Variants in CTNNA2 observed in about 807,000 individuals in gnomAD.
CTNNA2 encodes the protein catenin alpha-2.
A neutral mutation model predicts 101.0 loss-of-function variants in CTNNA2; 42 were observed. That is an observed-to-expected ratio of 0.42 (90% confidence interval 0.32 to 0.54). The LOEUF (loss-of-function observed/expected upper bound fraction) is 0.54. Among genes scored for constraint, CTNNA2 ranks in the 20% least tolerant of loss-of-function variants. The pLI, the probability that CTNNA2 is intolerant of heterozygous loss-of-function variation, is 0.14. For missense variants in CTNNA2, 871 were observed against 1,223.1 expected (o/e 0.71, Z 4.29); for synonymous variants, 450 against 456.4 (o/e 0.99, Z 0.18).
intron 7 of CTNNA2, among the ~76,000 whole-genome samples, chr2:80,036,614 A>T (rs1010721655): frequency 1.3e-5 from 2 of 152,096 alleles, no homozygotes; most frequent in African/African-American, 4.8e-5. Context: ...TAGTGAAAAA[A>T]ATAGGAACAA....
chr2:80,282,848 A>G (rs1674488443), intron 7 of CTNNA2, among the ~76,000 whole-genome samples: 2 of 152,114 alleles, frequency 1.3e-5, no homozygotes, highest in South Asian at 4.1e-4. Flanking sequence ...CCTGATTTAA[A>G]GGGCACTCCA....
rs114786625 is a variant in CTNNA2 at position 79,267,893 on chromosome 2, G to A, written c.-405-44816G>A. Among the ~76,000 whole-genome samples the A allele has an allele frequency of 3.3e-3, 506 of 152,264 alleles. 1 individual carries two copies. The highest frequency in any genetic ancestry group is 0.012 in the African/African-American group (485 of 41,560). ...GACACAAAGATGCCCTATAGTATAG[G>A]AGATAAAGATGCAAGAACTTCCTTG... is the stretch of plus-strand genomic sequence containing the variant. On this transcript the variant is annotated intron_variant, in intron 2 of 21. Transcript: ENST00000466387.
rs147164329 is a variant in CTNNA2, at chr2:79,618,364, T to G, written c.-5-33188T>G. On this transcript the variant is annotated intron_variant, in intron 1 of 18. Coordinates refer to ENST00000402739, the MANE Select transcript of CTNNA2 (RefSeq NM_001282597.3). ...TCTTTCTCTTACAAGCACTTCTCTT[T>G]CTATGATAGTTATTGGATTGGCTCC... Among the ~76,000 whole-genome samples the G allele has an allele frequency of 1.6e-4, 24 of 152,322 alleles. No homozygotes were observed. In the East Asian group the frequency reaches 3.9e-3, roughly 24 times the overall value.
intron 4 of CTNNA2, among the ~76,000 whole-genome samples, chr2:79,387,995 G>A (rs1293737925): frequency 6.6e-6 from 1 of 152,146 alleles, no homozygotes; most frequent in East Asian, 1.9e-4. Context: ...CCTGCATCTT[G>A]AAGCATGGAT....
intron 12 of CTNNA2, among the ~76,000 whole-genome samples, chr2:80,570,071 C>T (rs563342256): frequency 1.9e-4 from 29 of 149,802 alleles, no homozygotes; most frequent in South Asian, 6.4e-4. Flanking sequence ...TGTTTTGAGA[C>T]GGAGTCTCGC....
In CTNNA2 at chr2:80,303,969, C is replaced by A. The variant is rs1159019985; in HGVS notation, c.1057-89242C>A. On this transcript the variant is annotated intron_variant, in intron 7 of 18. Transcript: ENST00000402739. The surrounding 1 kb of genome is among the most constrained non-coding windows in gnomAD (Gnocchi z 7.7). ...TAAATACATAGAAATAAAGAAGGAC[C>A]CCCCTCCCCAAAAACCACACGTTCA... The A allele has an allele frequency of 2.1e-6, 2 of 930,276 alleles. No individual in the cohort carries two copies. The highest frequency in any genetic ancestry group is 2.9e-5 in the South Asian group (1 of 34,996). The allele number at this position is 930,276 out of a possible 1,614,324, so 57.6% of individuals were successfully genotyped here. A position where few individuals can be genotyped will look rare whatever the true frequency, so the allele number is the denominator to read the frequency against.
rs74831669 is a variant in CTNNA2 at position 80,363,232 on chromosome 2, A to G, written c.1057-29979A>G. 5.6e-3 allele frequency among the ~76,000 whole-genome samples: 836 copies of G among 149,488 alleles called. 12 individuals carry two copies. The highest frequency in any genetic ancestry group is 0.019 in the African/African-American group (775 of 40,484). On this transcript the variant is annotated intron_variant, in intron 7 of 18. Transcript: ENST00000402739. ...GCACAGAAATATTTTTTCTTCAGAA[A>G]TGATTTTTAAAAACATGAAGAAAAA...
intron 7 of CTNNA2, among the ~76,000 whole-genome samples, chr2:80,330,658 G>A (rs184094195): frequency 1.4e-3 from 217 of 152,274 alleles, no homozygotes; most frequent in Non-Finnish European, 2.1e-3. Context: ...TCTATGCTCT[G>A]CTGTGGGTGG....
intron 7 of CTNNA2, among the ~76,000 whole-genome samples, chr2:80,277,563 A>G (rs2149152213): frequency 6.6e-6 from 1 of 151,644 alleles, no homozygotes; most frequent in East Asian, 1.9e-4. Context: ...GAAAAAAAAA[A>G]AAAAAAAAAA....
chr2:79,470,323 C>T (rs1670984172), intron 4 of CTNNA2, among the ~76,000 whole-genome samples: 1 of 152,066 alleles, frequency 6.6e-6, no homozygotes, highest in African/African-American at 2.4e-5. Context: ...GGTAAGAAAA[C>T]AATGCCCTGT....
intron 3 of CTNNA2, among the ~76,000 whole-genome samples, chr2:79,325,485 A>T (rs1414415434): frequency 1.3e-5 from 2 of 152,192 alleles, no homozygotes; most frequent in African/African-American, 2.4e-5. Context: ...TATATGCTAA[A>T]CATTAAGGCA....
At chr2:80,009,937 T>C (rs1014289408) in intron 7 of CTNNA2, among the ~76,000 whole-genome samples, 1 of 152,164 alleles carries the variant, frequency 6.6e-6, no homozygotes, top group Non-Finnish European at 1.5e-5. Flanking sequence ...GCTTTGTTAC[T>C]TTACAAGTTG....
At chr2:79,560,090 A>AT (rs35288403) in intron 1 of CTNNA2, among the ~76,000 whole-genome samples, 97,288 of 147,530 alleles carry the variant, frequency 0.66, 32,371 homozygotes, top group South Asian at 0.74. Flanking sequence ...CGTCAGCTAC[A>AT]TTTTTTTTTT....
chr2:80,478,345 G>A (rs894070060), intron 9 of CTNNA2, among the ~76,000 whole-genome samples: 1 of 152,052 alleles, frequency 6.6e-6, no homozygotes, highest in South Asian at 2.1e-4. Flanking sequence ...TCTATAGGTG[G>A]TCTTTTTATC....
chr2:79,442,685 T>C (rs751313350), intron 4 of CTNNA2, among the ~76,000 whole-genome samples: 8 of 152,294 alleles, frequency 5.3e-5, no homozygotes, highest in Non-Finnish European at 7.4e-5. Flanking sequence ...TTTACCCTGA[T>C]TATTAGGTGG....
Position 80,557,282 on chromosome 2 carries a change from T to C in CTNNA2, c.1741+1389T>C, listed in dbSNP as rs1214225511. On this transcript the variant is annotated intron_variant, in intron 12 of 18. Transcript: ENST00000402739. Reference sequence around the variant, plus strand: ...CTTTCACATAAGCTTGCCCTTTGCATTCAATTGAGCAACACAAAGCAAGCC... The same window carrying C: ...CTTTCACATAAGCTTGCCCTTTGCACTCAATTGAGCAACACAAAGCAAGCC... Among the ~76,000 whole-genome samples, 4 of 152,196 alleles carry C rather than the reference T, an allele frequency of 2.6e-5. 1 individual carries two copies. Among genetic ancestry groups the C allele is most frequent in the African/African-American group, 9.6e-5 (4 of 41,456 alleles).
chr2:79,354,540 CT>C (rs1449026341), intron 3 of CTNNA2, among the ~76,000 whole-genome samples: 1 of 152,046 alleles, frequency 6.6e-6, no homozygotes, highest in African/African-American at 2.4e-5. Context: ...CAATTTTGTT[CT>C]CTCTTAAAAT....
chr2:80,148,831 T>G (rs1192725147), intron 7 of CTNNA2, among the ~76,000 whole-genome samples: 3 of 152,138 alleles, frequency 2.0e-5, no homozygotes, highest in African/African-American at 7.2e-5. Flanking sequence ...ACCACTGGAC[T>G]CCTCTGTGCC....
intron 1 of CTNNA2, among the ~76,000 whole-genome samples, chr2:79,580,075 T>C (rs1676054937): frequency 6.6e-6 from 1 of 152,178 alleles, no homozygotes; most frequent in South Asian, 2.1e-4. Context: ...GGTCCTATGG[T>C]CAAGAGGTGT....
Sources: gnomAD v4.1 joint callset for allele counts (sites outside exome capture counted in the v4.1 genomes callset) on GRCh38, gnomAD v4.1.1 for gene constraint, Gnocchi (gnomAD v3.1) non-coding constraint, MANE v1.5 for transcripts, NCBI Gene and HGNC (gene_info 2026-07-23, HGNC 2026-07-21) for gene names.